The following UBE2E2 variants were observed in gnomAD, a reference collection of about 807,000 sequenced individuals.
UBE2E2 encodes the protein ubiquitin-conjugating enzyme E2 E2.
UBE2E2 carries 6 observed loss-of-function variants against 24.7 expected under a neutral mutation model. The observed-to-expected ratio is 0.24, with a 90% CI of 0.13 to 0.48. The LOEUF (loss-of-function observed/expected upper bound fraction) is 0.48, where lower values mean the gene tolerates loss of function less well. Ranked by LOEUF, UBE2E2 falls within the 20% of genes least tolerant of loss-of-function variation. UBE2E2 has a pLI of 0.99. For missense variants in UBE2E2, 169 were observed against 245.0 expected, an observed-to-expected ratio of 0.69 and a Z score of 2.07; for synonymous variants, 104 against 83.6, an observed-to-expected ratio of 1.24 and a Z score of -1.33.
chr3:23,296,071 C>G (rs1698900265), intron 3 of UBE2E2, among the ~76,000 whole-genome samples: 1 of 152,066 alleles, frequency 6.6e-6, no homozygotes, highest in South Asian at 2.1e-4. Flanking sequence ...ATTCTAGTTC[C>G]CTTTCAGTAA....
At chr3:23,259,210 T>G (rs1697831080) in intron 3 of UBE2E2, among the ~76,000 whole-genome samples, 2 of 152,192 alleles carry the variant, frequency 1.3e-5, no homozygotes, top group South Asian at 4.1e-4. Flanking sequence ...AATCACTGTC[T>G]ACTTCCTTGT....
At chr3:23,481,195 A>G (rs2125442263) in intron 3 of UBE2E2, among the ~76,000 whole-genome samples, 1 of 152,324 alleles carries the variant, frequency 6.6e-6, no homozygotes, top group South Asian at 2.1e-4. Context: ...AAAAGATAGG[A>G]CTGTTGGTTG....
intron 5 of UBE2E2, among the ~76,000 whole-genome samples, chr3:23,541,506 A>G (rs1396904176): frequency 2.0e-5 from 3 of 152,248 alleles, no homozygotes; most frequent in African/African-American, 7.2e-5. Flanking sequence ...CACAATAAGC[A>G]GTACAAGAGT....
intron 3 of UBE2E2, among the ~76,000 whole-genome samples, chr3:23,350,630 G>GTA (rs1189878345): frequency 6.6e-6 from 1 of 152,146 alleles, no homozygotes; most frequent in Non-Finnish European, 1.5e-5. Context: ...GGAAGAAAGG[G>GTA]TATCAGTGAT....
At chr3:23,366,977 A>G (rs1696274603) in intron 3 of UBE2E2, among the ~76,000 whole-genome samples, 1 of 152,302 alleles carries the variant, frequency 6.6e-6, no homozygotes, top group Admixed American at 6.5e-5. Flanking sequence ...TTACAAAAAA[A>G]TAGTAAATTG....
In UBE2E2 at chr3:23,416,884, T is replaced by G. The variant is rs530151215; in HGVS notation, c.228-82724T>G. Among the ~76,000 whole-genome samples the G allele has an allele frequency of 3.0e-4, 46 of 152,354 alleles. 2 individuals are homozygous for G. The South Asian group carries it at 9.5e-3, about 32-fold the overall frequency. On this transcript the variant is annotated intron_variant, in intron 3 of 5. Transcript: ENST00000396703. Reference sequence around the variant, plus strand: ...TATGCTCCACGAAGTTCTTGTGCTGTGTTTTTCAGCTCCATCAGGTCATTT... The same window carrying G: ...TATGCTCCACGAAGTTCTTGTGCTGGGTTTTTCAGCTCCATCAGGTCATTT...
rs545724164 is a variant in UBE2E2, at chr3:23,352,646, A to C, written c.227+135334A>C. Among the ~76,000 whole-genome samples, 493 of 152,274 alleles carry C rather than the reference A, an allele frequency of 3.2e-3. 3 individuals carry two copies. Among genetic ancestry groups the C allele is most frequent in the African/African-American group, 0.011 (471 of 41,552 alleles). ...CTAGAAAATCTAGAAGAAATGGATA[A>C]ATTCCTCAACACATACACCCTCCCA... On this transcript the variant is annotated intron_variant, in intron 3 of 5. Transcript: ENST00000396703.
chr3:23,584,983 G>A (rs1229340246), intron 5 of UBE2E2, among the ~76,000 whole-genome samples: 1 of 152,078 alleles, frequency 6.6e-6, no homozygotes, highest in Non-Finnish European at 1.5e-5. Flanking sequence ...AGGAAGTAGA[G>A]GTGAGTAAGA....
intron 5 of UBE2E2, among the ~76,000 whole-genome samples, chr3:23,563,944 A>G (rs1417918461): frequency 6.6e-6 from 1 of 151,252 alleles, no homozygotes; most frequent in Non-Finnish European, 1.5e-5. Flanking sequence ...TTAGAGGTCT[A>G]GAGGGTTGAT....
intron 3 of UBE2E2, among the ~76,000 whole-genome samples, chr3:23,346,890 GT>G (rs1327694974): frequency 6.6e-6 from 1 of 152,142 alleles, no homozygotes; most frequent in Non-Finnish European, 1.5e-5. Flanking sequence ...TATGAGCCCT[GT>G]TTTGAGTAAT....
At chr3:23,258,523 A>G (rs1431734029) in intron 3 of UBE2E2, among the ~76,000 whole-genome samples, 1 of 152,216 alleles carries the variant, frequency 6.6e-6, no homozygotes, top group Non-Finnish European at 1.5e-5. Flanking sequence ...CAACGACAGT[A>G]AAATGAGCTG....
At chr3:23,275,836 A>C (rs1442042648) in intron 3 of UBE2E2, among the ~76,000 whole-genome samples, 2 of 152,102 alleles carry the variant, frequency 1.3e-5, no homozygotes, top group African/African-American at 4.8e-5. Context: ...GGAAAACTTA[A>C]GTTTGTATTT....
At chr3:23,239,658 G>A (rs1342582498) in intron 3 of UBE2E2, among the ~76,000 whole-genome samples, 1 of 152,138 alleles carries the variant, frequency 6.6e-6, no homozygotes, top group Non-Finnish European at 1.5e-5. Flanking sequence ...AAAGAAGAAG[G>A]TGAAATAAGG....
intron 3 of UBE2E2, among the ~76,000 whole-genome samples, chr3:23,384,902 T>C (rs1696769778): frequency 6.6e-6 from 1 of 152,188 alleles, no homozygotes; most frequent in Non-Finnish European, 1.5e-5. Flanking sequence ...ATTTAGATTT[T>C]TGTGTCTTGA....
intron 3 of UBE2E2, among the ~76,000 whole-genome samples, chr3:23,493,688 G>A (rs978370800): frequency 6.6e-6 from 1 of 152,094 alleles, no homozygotes; most frequent in Non-Finnish European, 1.5e-5. Flanking sequence ...TCCTAAGAGT[G>A]GCAGCAGTGG....
chr3:23,353,051 T>G (rs901933987), intron 3 of UBE2E2, among the ~76,000 whole-genome samples: 1 of 152,214 alleles, frequency 6.6e-6, no homozygotes, highest in African/African-American at 2.4e-5. Flanking sequence ...CAAGTGGGCT[T>G]CATCCCTGGG....
intron 3 of UBE2E2, among the ~76,000 whole-genome samples, chr3:23,249,791 GACTACAGGCACCCGCC>G (rs1697523506): frequency 6.6e-6 from 1 of 151,998 alleles, no homozygotes; most frequent in Non-Finnish European, 1.5e-5. Flanking sequence ...AAGTAGCTGG[GACTACAGGCACCCGCC>G]ACCACACCTG....
At chr3:23,333,771 T>C (rs1358603888) in intron 3 of UBE2E2, among the ~76,000 whole-genome samples, 1 of 152,144 alleles carries the variant, frequency 6.6e-6, no homozygotes, top group Non-Finnish European at 1.5e-5. Flanking sequence ...AGGACATGAA[T>C]ATATCTGAGA....
At chr3:23,376,931 G>C (rs959669525) in intron 3 of UBE2E2, among the ~76,000 whole-genome samples, 2 of 152,130 alleles carry the variant, frequency 1.3e-5, no homozygotes, top group Admixed American at 1.3e-4. Context: ...TAGGGGATGA[G>C]GGAGAAAACA....
Sources: gnomAD v4.1 joint callset for allele counts (sites outside exome capture counted in the v4.1 genomes callset) on GRCh38, gnomAD v4.1.1 for gene constraint, MANE v1.5 for transcripts, NCBI Gene and HGNC (gene_info 2026-07-23, HGNC 2026-07-21) for gene names.